BRSK2: variants seen among roughly 807,000 people sequenced by gnomAD.
BRSK2 encodes the protein BR serine/threonine kinase 2, also known as serine/threonine-protein kinase BRSK2.
BRSK2 carries 19 observed loss-of-function variants against 83.3 expected under a neutral mutation model. The ratio of observed to expected loss-of-function variants is 0.23; its 90% confidence interval spans 0.16 to 0.33. The LOEUF is 0.33. BRSK2 is among the 10% of genes least tolerant of loss of function. The probability of loss-of-function intolerance (pLI) is 1.00; values close to 1 mark genes in which losing one functional copy is unlikely to be tolerated. For missense variants in BRSK2, 798 were observed against 1,042.3 expected (o/e 0.77, Z 3.23); for synonymous variants, 519 against 435.4 (o/e 1.19, Z -2.39).
At chr11:1,412,812 G>T (rs1288693868) in intron 1 of BRSK2, among the ~76,000 whole-genome samples, 1 of 152,126 alleles carries the variant, frequency 6.6e-6, no homozygotes, top group African/African-American at 2.4e-5. Context: ...TGGATCACTA[G>T]CCCTGGCCGC....
chr11:1,445,811 G>A lies in BRSK2; in HGVS notation c.1130G>A (p.Arg377Gln), dbSNP rs1851974136. ...ATGCTGAACCGGCACGGCAAGCGGC[G>A]GCCAGAACGCAAATCCATGGAGGTG... ...SPMLNRHGKR[R>Q]PERKSMEVLS... Residue 377 changes from arginine to glutamine, a missense_variant, in exon 12 of 20, where the codon CGG (arginine) becomes CAG (glutamine). Transcript: ENST00000528841. 3 of 1,612,496 alleles carry A rather than the reference G, an allele frequency of 1.9e-6. No homozygotes were observed. The highest frequency in any genetic ancestry group is 2.5e-6 in the Non-Finnish European group (3 of 1,179,728).
chr11:1,393,225 G>T (rs1056733502), intron 1 of BRSK2, among the ~76,000 whole-genome samples: 1 of 152,160 alleles, frequency 6.6e-6, no homozygotes, highest in Non-Finnish European at 1.5e-5. Flanking sequence ...TGTGGCACGG[G>T]CTGGGTGGCT....
At chr11:1,425,477 C>T (rs1002075156) in intron 1 of BRSK2, among the ~76,000 whole-genome samples, 1 of 152,220 alleles carries the variant, frequency 6.6e-6, no homozygotes, top group African/African-American at 2.4e-5. Context: ...TTGGTGACAG[C>T]GACGGGGCAG....
At chr11:1,393,186 G>A (rs998640780) in intron 1 of BRSK2, among the ~76,000 whole-genome samples, 1 of 152,222 alleles carries the variant, frequency 6.6e-6, no homozygotes, top group Non-Finnish European at 1.5e-5. Flanking sequence ...CAGACACTCC[G>A]AGTTGGAGCA....
intron 18 of BRSK2, chr11:1,457,088 C>T (rs772206491): frequency 1.1e-5 from 17 of 1,505,564 alleles, no homozygotes; most frequent in Non-Finnish European, 1.5e-5. Context: ...GGAGGGGCTG[C>T]GGGCAGGTCC....
At position 1,450,600 on chromosome 11, in the gene BRSK2, C is replaced by T. The variant is rs34310716; in HGVS notation, c.1301C>T (p.Pro434Leu). ...CCCACCATACAGGTGACCCCTCACC[C>T]CTCACCAAGGGGCAGTCCCCTCCCC... is the stretch of plus-strand genomic sequence containing the variant. ...PLSSPRVTPH[P>L]SPRGSPLPTP... is the part of the protein sequence containing the mutation. Residue 434 changes from proline (P) to leucine (L), a missense_variant, in exon 14 of 20, where the codon CCC (proline) becomes CTC (leucine). Physicochemically the swap from Pro to Leu is moderately conservative, Grantham distance 98 (BLOSUM62 -3). This residue lies in a region of BRSK2 where 455 missense variants were observed against 455.2 expected (regional missense o/e 1.00). Coordinates refer to ENST00000528841, the MANE Select transcript of BRSK2 (RefSeq NM_001256627.2). 1.3e-5 allele frequency: 21 copies of T among 1,582,380 alleles called. No homozygotes were observed. Among genetic ancestry groups the T allele is most frequent in the Non-Finnish European group, 1.6e-5 (19 of 1,165,710 alleles).
intron 17 of BRSK2, 33 bp downstream of exon 17, chr11:1,456,561 C>G (rs1407613815): frequency 1.2e-6 from 2 of 1,604,344 alleles, no homozygotes; most frequent in East Asian, 4.5e-5. Flanking sequence ...GCTCCGGGCC[C>G]AGGCCCGTCC....
chr11:1,426,228 GT>G (rs1849199010), intron 1 of BRSK2, among the ~76,000 whole-genome samples: 3 of 92,832 alleles, frequency 3.2e-5, no homozygotes, highest in African/African-American at 1.4e-4. Context: ...GGGGATGTGT[GT>G]GGGGCGTGCT....
intron 1 of BRSK2, chr11:1,411,340 G>C (rs1011090613): frequency 5.0e-6 from 7 of 1,404,826 alleles, no homozygotes; most frequent in Non-Finnish European, 6.4e-6. Flanking sequence ...GGAGCAGGGG[G>C]CACAGTTCTG....
At chr11:1,447,588 G>C (rs1188492264) in intron 12 of BRSK2, among the ~76,000 whole-genome samples, 1 of 152,162 alleles carries the variant, frequency 6.6e-6, no homozygotes, top group Non-Finnish European at 1.5e-5. Context: ...AGGGGTCCTG[G>C]GGGCTGGGGT....
At chr11:1,433,625 C>T (rs1849879847) in intron 1 of BRSK2, among the ~76,000 whole-genome samples, 1 of 152,234 alleles carries the variant, frequency 6.6e-6, no homozygotes, top group Non-Finnish European at 1.5e-5. Flanking sequence ...GACCCCTGCC[C>T]CGGGATGCAG....
At position 1,445,647 on chromosome 11, in the gene BRSK2, C is replaced by A; in HGVS notation, c.1054C>A (p.Leu352Met). 6.3e-7 allele frequency: 1 copy of A among 1,592,494 alleles called. No homozygotes were observed. ...GTACCCGAGCCAGGAGGATGAGGAC[C>A]TGCCCCCCCGGAACGAGATAGGTAT... Reference protein sequence around the residue: ...ERYPSQEDEDLPPRNEIDPPR... With the variant: ...ERYPSQEDEDMPPRNEIDPPR... The change falls in exon 11 of 20, where the codon CTG becomes ATG. Residue 352 changes from leucine (L) to methionine (M), a missense_variant. By Grantham distance (15) the Leu-to-Met change is conservative. Coordinates refer to ENST00000528841, the MANE Select transcript of BRSK2 (RefSeq NM_001256627.2).
At chr11:1,421,219 C>T (rs368279097) in intron 1 of BRSK2, among the ~76,000 whole-genome samples, 5 of 152,318 alleles carry the variant, frequency 3.3e-5, no homozygotes, top group Admixed American at 6.5e-5. Context: ...CCCCCCAGGA[C>T]GGGGTGTCAG....
At chr11:1,413,979 C>T (rs1450202431) in intron 1 of BRSK2, among the ~76,000 whole-genome samples, 5 of 152,258 alleles carry the variant, frequency 3.3e-5, no homozygotes, top group East Asian at 3.8e-4. Context: ...CACTTCCTCA[C>T]ACGGTTTACT....
rs556521032 is a variant in BRSK2 at position 1,395,733 on chromosome 11, G to A, written c.91+5358G>A. Among the ~76,000 whole-genome samples the A allele has an allele frequency of 3.9e-5, 6 of 152,316 alleles. No individual in the cohort carries two copies. In the East Asian group the frequency reaches 5.8e-4, roughly 15 times the overall value. ...CCGCCCGGCCCTGATCGTGCTGGCC[G>A]TGCTGGCCCTGCTCTGCTGAGGTGC... On this transcript the variant is annotated intron_variant, in intron 1 of 19. Coordinates refer to ENST00000528841, the MANE Select transcript of BRSK2 (RefSeq NM_001256627.2).
intron 1 of BRSK2, among the ~76,000 whole-genome samples, chr11:1,434,307 G>A (rs1396374323): frequency 1.3e-5 from 2 of 152,180 alleles, no homozygotes; most frequent in Non-Finnish European, 2.9e-5. Flanking sequence ...GTGTCTGGGC[G>A]CACCTAGGAG....
intron 18 of BRSK2, among the ~76,000 whole-genome samples, chr11:1,458,563 C>A (rs938505353): frequency 2.6e-5 from 4 of 152,220 alleles, no homozygotes; most frequent in Admixed American, 1.3e-4. Flanking sequence ...CCCACCCCCC[C>A]AGAGACTGCG....
At chr11:1,416,886 C>T (rs920877469) in intron 1 of BRSK2, among the ~76,000 whole-genome samples, 42 of 152,202 alleles carry the variant, frequency 2.8e-4, no homozygotes, top group African/African-American at 8.7e-4. Context: ...TTCAGCCAGG[C>T]GCGGTGGCTC....
At chr11:1,409,449 G>A (rs917327487) in intron 1 of BRSK2, 1 of 152,232 alleles carries the variant, frequency 6.6e-6, no homozygotes, top group Non-Finnish European at 1.5e-5. Flanking sequence ...CACCTTCCGT[G>A]AGAAGGGCCT....
Sources: allele counts gnomAD v4.1 joint callset (sites outside exome capture counted in the v4.1 genomes callset), GRCh38; gene constraint gnomAD v4.1.1; regional missense constraint gnomAD v4.1.1; transcripts MANE v1.5; gene names NCBI Gene and HGNC (gene_info 2026-07-23, HGNC 2026-07-21).